Variants in RGPD4 observed in about 807,000 individuals in gnomAD.
The protein encoded by RGPD4 is ranBP2-like and GRIP domain-containing protein 4.
Under a neutral mutation model 141.1 loss-of-function variants are expected in RGPD4, and 84 were observed. The ratio of observed to expected loss-of-function variants is 0.60; its 90% CI spans 0.50 to 0.71. RGPD4 has a LOEUF of 0.71. Ranked by LOEUF, RGPD4 falls within the 30% of genes least tolerant of loss-of-function variation. RGPD4 has a pLI of 0.00. For missense variants in RGPD4, 918 were observed against 1,622.4 expected (o/e 0.57, Z 7.46); for synonymous variants, 298 against 566.8 (o/e 0.53, Z 6.74).
chr2:107,853,938 T>C (rs1167128168), intron 7 of RGPD4, among the ~76,000 whole-genome samples: 7 of 130,996 alleles, frequency 5.3e-5, no homozygotes, highest in Admixed American at 1.6e-4. Flanking sequence ...TTTTTAGAGA[T>C]AGGGTCTCAC....
At position 107,847,642 on chromosome 2, in the gene RGPD4, A is replaced by G. The variant is rs1426119619; in HGVS notation, c.783-699A>G. Among the ~76,000 whole-genome samples the G allele has an allele frequency of 3.4e-5, 2 of 59,570 alleles. 1 individual carries two copies. The highest frequency in any genetic ancestry group is 1.8e-4 in the African/African-American group (2 of 10,958). The allele number at this position is 59,570 out of a possible 152,430, so 39.1% of individuals were successfully genotyped here. ...TCGAGACCAGCCTGGCCAATATAGT[A>G]AAACCCTGTCTCTACTAAAAATATA... On this transcript the variant is annotated intron_variant, in intron 6 of 22. Transcript: ENST00000408999.
intron 14 of RGPD4, 44 bp from the exon 15 acceptor site, chr2:107,861,550 T>G (rs1483745026): frequency 6.2e-7 from 1 of 1,604,706 alleles, no homozygotes; most frequent in African/African-American, 1.4e-5. Flanking sequence ...GAAAGTTTTT[T>G]GTTTTAAAAA....
rs1217035920 is a variant in RGPD4 at position 107,890,758 on chromosome 2, A to G, written c.*27A>G. On this transcript the variant is annotated 3_prime_UTR_variant, in exon 23 of 23. Transcript: ENST00000408999. ...ATGCTTCCCGTTCTTCTGGATGGGC[A>G]TCCTATCTTCGTAGTTGGTTTGGAC... The G allele has an allele frequency of 1.9e-6, 3 of 1,603,258 alleles. No homozygotes were observed. The highest frequency in any genetic ancestry group is 1.4e-5 in the African/African-American group (1 of 73,804).
intron 21 of RGPD4, among the ~76,000 whole-genome samples, 152 bp downstream of exon 21, chr2:107,880,259 CTTTTTTT>C (rs58305715): frequency 6.2e-5 from 3 of 48,182 alleles, no homozygotes; most frequent in African/African-American, 9.9e-5. Flanking sequence ...GAAATATTGC[CTTTTTTT>C]TTTTTTTTTT....
intron 22 of RGPD4, among the ~76,000 whole-genome samples, chr2:107,884,861 G>T (rs1675466817): frequency 6.6e-6 from 1 of 152,122 alleles, no homozygotes; most frequent in Non-Finnish European, 1.5e-5. Context: ...ATTTGTTGCT[G>T]ATACTTCTGG....
In RGPD4 at chr2:107,854,328, A is replaced by G. The variant is rs1192545647; in HGVS notation, c.979-228A>G. 3.3e-5 allele frequency among the ~76,000 whole-genome samples: 5 copies of G among 151,736 alleles called. No individual in the cohort carries two copies. The South Asian group carries it at 1.0e-3, about 32-fold the overall frequency. On this transcript the variant is annotated intron_variant, in intron 7 of 22. Coordinates refer to ENST00000408999, the MANE Select transcript of RGPD4 (RefSeq NM_182588.3). ...ATCAGCCCACCTTGGCCTCCCAGAC[A>G]GAGTGTTGGGATTACAGGTGTGAGC...
chr2:107,874,596 A>G (rs1254256537), intron 20 of RGPD4, among the ~76,000 whole-genome samples: 1 of 150,872 alleles, frequency 6.6e-6, no homozygotes, highest in Admixed American at 6.6e-5. Flanking sequence ...GAAAAGTGTT[A>G]ACTTAAAAGT....
chr2:107,884,749 G>T (rs1400803038), intron 22 of RGPD4, among the ~76,000 whole-genome samples: 1 of 148,190 alleles, frequency 6.7e-6, no homozygotes, highest in South Asian at 2.2e-4. Context: ...ACTGATAAGA[G>T]TCATCCTCAA....
In RGPD4 at chr2:107,888,932, C is replaced by T. The variant is rs552259568; in HGVS notation, c.5267-1789C>T. Reference sequence around the variant, plus strand: ...AATAGAACCATTTCTGATCTCCTGACCCACAGAAACTGTGAAATAAATATG... The same window carrying T: ...AATAGAACCATTTCTGATCTCCTGATCCACAGAAACTGTGAAATAAATATG... On this transcript the variant is annotated intron_variant, in intron 22 of 22. Coordinates refer to ENST00000408999, the MANE Select transcript of RGPD4 (RefSeq NM_182588.3). 2.9e-5 allele frequency among the ~76,000 whole-genome samples: 4 copies of T among 137,580 alleles called. No homozygotes were observed. The South Asian group carries it at 1.0e-3, about 34-fold the overall frequency. The allele number at this position is 137,580 out of a possible 152,430, so 90.3% of individuals were successfully genotyped here.
chr2:107,885,031 C>G (rs2104520418), intron 22 of RGPD4, among the ~76,000 whole-genome samples: 1 of 152,150 alleles, frequency 6.6e-6, no homozygotes, highest in African/African-American at 2.4e-5. Flanking sequence ...TCAATACTGA[C>G]AGTAATCTCA....
In RGPD4 at chr2:107,859,381, A is replaced by G. The variant is rs201811980; in HGVS notation, c.1461A>G (p.Val487=). 12,783 of 1,605,816 alleles carry G rather than the reference A, an allele frequency of 8.0e-3. 65 individuals are homozygous for G. The highest frequency in any genetic ancestry group is 9.5e-3 in the Non-Finnish European group (11,217 of 1,178,506). The change falls in exon 11 of 23, where the codon GTA becomes GTG. Residue 487 remains valine, a splice_region_variant and synonymous_variant. Transcript: ENST00000408999. Reference sequence around the variant, plus strand: ...TAACTTTTCCTTAAATAAAACAGGTATTTCTCCTTGGAGTAGTATATACCA... The same window carrying G: ...TAACTTTTCCTTAAATAAAACAGGTGTTTCTCCTTGGAGTAGTATATACCA... ...PESICILDLE[V]FLLGVVYTSH...
At position 107,862,657 on chromosome 2, in the gene RGPD4, CT is replaced by C. The variant is rs1682585483; in HGVS notation, c.2206-23del. The C allele has an allele frequency of 4.4e-6, 5 of 1,140,318 alleles. No individual in the cohort carries two copies. The South Asian group carries it at 7.6e-5, about 17-fold the overall frequency. 70.6% of individuals were successfully genotyped at this position (1,140,318 alleles called of 1,614,324 possible). On this transcript the variant is annotated intron_variant, in intron 15 of 22. Transcript: ENST00000408999. ...TTGGAATTTTTTGCAAATGAAAGCC[CT>C]TAATTAATGTCTTTTATTTTTAGTT...
chr2:107,845,163 C>A (rs1193596976), intron 6 of RGPD4, among the ~76,000 whole-genome samples: 62 of 128,646 alleles, frequency 4.8e-4, no homozygotes, highest in African/African-American at 1.7e-3. Context: ...GTCTCTGCCT[C>A]CTGAATAGGT....
intron 1 of RGPD4, among the ~76,000 whole-genome samples, chr2:107,827,331 C>A (rs369722701): frequency 4.3e-5 from 1 of 23,410 alleles, no homozygotes; most frequent in African/African-American, 1.1e-4. Context: ...CGACCCGGCC[C>A]GGCGGCGGCC....
At chr2:107,830,456 C>G (rs1242326782) in intron 1 of RGPD4, among the ~76,000 whole-genome samples, 1 of 151,880 alleles carries the variant, frequency 6.6e-6, no homozygotes, top group Non-Finnish European at 1.5e-5. Flanking sequence ...GTTCTTTCAA[C>G]TGCATAACTT....
At chr2:107,859,693 C>T (rs754585891) in intron 11 of RGPD4, 29 bp from the exon 12 acceptor site, 4 of 1,611,248 alleles carry the variant, frequency 2.5e-6, no homozygotes, top group South Asian at 1.1e-5. Flanking sequence ...ATTTAGAAAG[C>T]AATTTTAGTA....
intron 7 of RGPD4, among the ~76,000 whole-genome samples, 189 bp from the exon 8 acceptor site, chr2:107,854,367 C>T (rs892676741): frequency 6.6e-6 from 1 of 151,942 alleles, no homozygotes; most frequent in African/African-American, 2.4e-5. Flanking sequence ...CACGCCTGTA[C>T]CTGGCCTATC....
At chr2:107,846,782 T>A (rs1235340571) in intron 6 of RGPD4, among the ~76,000 whole-genome samples, 8 of 151,804 alleles carry the variant, frequency 5.3e-5, no homozygotes, top group African/African-American at 1.9e-4. Flanking sequence ...ATAGCATTTT[T>A]TATGAAAAAT....
intron 20 of RGPD4, among the ~76,000 whole-genome samples, chr2:107,877,822 T>C (rs1427627434): frequency 6.6e-6 from 1 of 151,790 alleles, no homozygotes; most frequent in Admixed American, 6.5e-5. Context: ...TTTTGTTTGT[T>C]TTTTTGTTTT....
Sources: gnomAD v4.1 joint callset for allele counts (sites outside exome capture counted in the v4.1 genomes callset) on GRCh38, gnomAD v4.1.1 for gene constraint, MANE v1.5 for transcripts, NCBI Gene and HGNC (gene_info 2026-07-23, HGNC 2026-07-21) for gene names.